Variants in RBM20 observed in about 807,000 individuals in gnomAD.
RBM20 encodes RNA binding motif protein 20, also known as RNA-binding protein 20.
A neutral mutation model predicts 110.1 loss-of-function variants in RBM20; 51 were observed. That is an observed-to-expected ratio of 0.46 (90% CI 0.37 to 0.59). The LOEUF (loss-of-function observed/expected upper bound fraction) is 0.59, where lower values mean the gene tolerates loss of function less well. Among genes scored for constraint, RBM20 ranks in the 20% least tolerant of loss-of-function variants. The pLI is 0.00. For missense variants in RBM20, 1,512 were observed against 1,574.9 expected (o/e 0.96, Z 0.68); for synonymous variants, 589 against 618.2 (o/e 0.95, Z 0.70).
chr10:110,654,766 G>T (rs1271168003), intron 1 of RBM20, among the ~76,000 whole-genome samples: 1 of 152,196 alleles, frequency 6.6e-6, no homozygotes, highest in East Asian at 1.9e-4. Flanking sequence ...AGGAGCAGGA[G>T]CAGGCATGAT....
At chr10:110,783,576 A>G (rs1257688414) in intron 3 of RBM20, 149 bp downstream of exon 3, 5 of 584,738 alleles carry the variant, frequency 8.6e-6, no homozygotes, top group Non-Finnish European at 1.5e-5. Flanking sequence ...CTTGTGCTTC[A>G]CAGGGGCCAG....
intron 1 of RBM20, among the ~76,000 whole-genome samples, chr10:110,685,762 G>A (rs1862495049): frequency 6.6e-6 from 1 of 152,174 alleles, no homozygotes; most frequent in Non-Finnish European, 1.5e-5. Context: ...TCGGGAGGTG[G>A]GTTCGGGCTA....
At chr10:110,647,426 G>C (rs2134798713) in intron 1 of RBM20, among the ~76,000 whole-genome samples, 1 of 152,224 alleles carries the variant, frequency 6.6e-6, no homozygotes, top group East Asian at 1.9e-4. Flanking sequence ...TTACTGTAAA[G>C]ATTATCAGCC....
intron 1 of RBM20, among the ~76,000 whole-genome samples, chr10:110,722,505 G>A (rs918807646): frequency 4.5e-4 from 68 of 152,192 alleles, no homozygotes; most frequent in Non-Finnish European, 3.5e-4. Context: ...GTAATGACAT[G>A]TATCTACCAT....
intron 7 of RBM20, among the ~76,000 whole-genome samples, chr10:110,810,010 A>G (rs1197583608): frequency 6.6e-6 from 1 of 152,170 alleles, no homozygotes; most frequent in Non-Finnish European, 1.5e-5. Context: ...CAAGTTTACA[A>G]TGCATGCCTG....
intron 1 of RBM20, among the ~76,000 whole-genome samples, chr10:110,701,826 A>G (rs1257185907): frequency 6.6e-6 from 1 of 152,182 alleles, no homozygotes; most frequent in African/African-American, 2.4e-5. Context: ...CTGAGTTTCA[A>G]TCCCCAGGGT....
chr10:110,713,870 C>G (rs1862975769), intron 1 of RBM20, among the ~76,000 whole-genome samples: 1 of 152,158 alleles, frequency 6.6e-6, no homozygotes, highest in East Asian at 1.9e-4. Context: ...AGTGCGTTTT[C>G]CAGCCTACTA....
At chr10:110,835,037 G>C (rs946148270) in intron 13 of RBM20, 6 of 152,214 alleles carry the variant, frequency 3.9e-5, no homozygotes, top group Non-Finnish European at 8.8e-5. Flanking sequence ...AGCCTGCCCT[G>C]ACAGGAAACA....
At chr10:110,672,478 G>A (rs1190318694) in intron 1 of RBM20, among the ~76,000 whole-genome samples, 1 of 152,226 alleles carries the variant, frequency 6.6e-6, no homozygotes, top group Non-Finnish European at 1.5e-5. Context: ...GGCTGCTGCC[G>A]TCCTCCCTCG....
intron 9 of RBM20, among the ~76,000 whole-genome samples, chr10:110,815,388 G>C (rs12762612): frequency 0.05 from 7,541 of 152,286 alleles, 287 homozygotes; most frequent in East Asian, 0.13. Context: ...GGAAGAACAG[G>C]AGATGAGATT....
At chr10:110,731,271 A>G (rs966320235) in intron 1 of RBM20, among the ~76,000 whole-genome samples, 1 of 152,188 alleles carries the variant, frequency 6.6e-6, no homozygotes, top group African/African-American at 2.4e-5. Context: ...CAAACAAAAA[A>G]CAAGGAAGCG....
chr10:110,815,977 G>A (rs1301944761), intron 9 of RBM20, among the ~76,000 whole-genome samples: 1 of 152,104 alleles, frequency 6.6e-6, no homozygotes, highest in African/African-American at 2.4e-5. Context: ...ATTTTGCACT[G>A]TCCTCAAACT....
At chr10:110,763,228 T>C (rs1303447771) in intron 1 of RBM20, among the ~76,000 whole-genome samples, 1 of 152,036 alleles carries the variant, frequency 6.6e-6, no homozygotes, top group South Asian at 2.1e-4. Context: ...AGTGCGACTA[T>C]AGAAACGTCA....
intron 7 of RBM20, among the ~76,000 whole-genome samples, chr10:110,802,810 T>C (rs1844646541): frequency 6.6e-6 from 1 of 151,994 alleles, no homozygotes; most frequent in Admixed American, 6.5e-5. Flanking sequence ...AAAAAGCAAA[T>C]AAACAAAGAA....
intron 1 of RBM20, among the ~76,000 whole-genome samples, chr10:110,725,493 C>A (rs909487119): frequency 1.3e-5 from 2 of 152,158 alleles, no homozygotes; most frequent in Non-Finnish European, 2.9e-5. Context: ...TTCTCCTAAA[C>A]AATTATTTGC....
At chr10:110,680,555 C>T (rs1195064173) in intron 1 of RBM20, among the ~76,000 whole-genome samples, 1 of 152,148 alleles carries the variant, frequency 6.6e-6, no homozygotes, top group African/African-American at 2.4e-5. Flanking sequence ...GTTGTGTGTT[C>T]AGTGGCGAGC....
At chr10:110,738,334 GC>G (rs1356183930) in intron 1 of RBM20, among the ~76,000 whole-genome samples, 2 of 152,186 alleles carry the variant, frequency 1.3e-5, no homozygotes, top group African/African-American at 4.8e-5. Context: ...ACAGGCTGGG[GC>G]AATTATAGGC....
rs151057897 is a variant in RBM20, at chr10:110,748,665, T to TTCTCTCTC, written c.192-32126_192-32119dup. 6.7e-3 allele frequency among the ~76,000 whole-genome samples: 1,020 copies of TTCTCTCTC among 151,206 alleles called. 8 individuals are homozygous for TTCTCTCTC. The highest frequency in any genetic ancestry group is 0.026 in the East Asian group (135 of 5,160). On this transcript the variant is annotated intron_variant, in intron 1 of 13. Transcript: ENST00000369519. ...GTTGTGTCCCTGGACTAGTTATATCTTCTCTCTCTCTCTCTCTTTCTCTCT... is the reference window on the plus strand; with the variant it reads ...GTTGTGTCCCTGGACTAGTTATATCTTCTCTCTCTCTCTCTCTCTCTCTCTTTCTCTCT...
intron 1 of RBM20, among the ~76,000 whole-genome samples, chr10:110,712,604 C>CA (rs763394630): frequency 6.6e-6 from 1 of 152,064 alleles, no homozygotes; most frequent in African/African-American, 2.4e-5. Context: ...CCATCTCTAC[C>CA]AAAAATACAA....
Sources: allele counts gnomAD v4.1 joint callset (sites outside exome capture counted in the v4.1 genomes callset), GRCh38; gene constraint gnomAD v4.1.1; transcripts MANE v1.5; gene names NCBI Gene and HGNC (gene_info 2026-07-23, HGNC 2026-07-21).